The following SLC37A1 variants were observed in gnomAD, a reference collection of about 807,000 sequenced individuals.
The protein encoded by SLC37A1 is glucose-6-phosphate exchanger SLC37A1.
Under a neutral mutation model 75.3 loss-of-function variants are expected in SLC37A1, and 49 were observed. The ratio of observed to expected loss-of-function variants is 0.65; its 90% CI spans 0.52 to 0.83. The LOEUF is 0.83. Ranked by LOEUF, SLC37A1 falls within the 40% of genes least tolerant of loss-of-function variation. SLC37A1 has a pLI of 0.00. For missense variants in SLC37A1, 566 were observed against 695.0 expected (o/e 0.81, Z 2.09); for synonymous variants, 268 against 292.1 (o/e 0.92, Z 0.84).
In SLC37A1 at chr21:42,542,485, G is replaced by C. The variant is rs1003402803; in HGVS notation, c.563+5G>C. 1 of 1,613,858 alleles carries C rather than the reference G, an allele frequency of 6.2e-7. No individual in the cohort carries two copies. Among genetic ancestry groups the C allele is most frequent in the Non-Finnish European group, 8.5e-7 (1 of 1,179,882 alleles). ...CAACTGGTTTGGAAAAGGAAGGTGA[G>C]AAAAAGCAGCCCTGTTTCCAATAGC... On this transcript the variant is annotated splice_donor_5th_base_variant and intron_variant, in intron 7 of 19. Coordinates refer to ENST00000352133, the MANE Select transcript of SLC37A1 (RefSeq NM_001320537.2).
At chr21:42,555,995 T>TG (rs2055682196) in intron 10 of SLC37A1, among the ~76,000 whole-genome samples, 1 of 152,202 alleles carries the variant, frequency 6.6e-6, no homozygotes, top group Admixed American at 6.5e-5. Flanking sequence ...GAGTGACCGC[T>TG]GGGCTCAGTG....
intron 3 of SLC37A1, among the ~76,000 whole-genome samples, chr21:42,530,111 A>G (rs903504373): frequency 5.9e-5 from 9 of 152,232 alleles, no homozygotes; most frequent in African/African-American, 2.2e-4. Context: ...AAATTATCAC[A>G]AGTCCGTATT....
At chr21:42,551,065 G>A (rs899431990) in intron 9 of SLC37A1, among the ~76,000 whole-genome samples, 10 of 152,224 alleles carry the variant, frequency 6.6e-5, no homozygotes, top group African/African-American at 2.4e-4. Flanking sequence ...ATGCAGGCAG[G>A]CCAGTTAGGC....
intron 5 of SLC37A1, among the ~76,000 whole-genome samples, chr21:42,537,379 C>G (rs2146854238): frequency 6.6e-6 from 1 of 152,264 alleles, no homozygotes; most frequent in East Asian, 1.9e-4. Flanking sequence ...GTTTATATTC[C>G]CCACACTGCA....
chr21:42,541,928 A>G (rs1341622170), intron 6 of SLC37A1, among the ~76,000 whole-genome samples: 4 of 152,132 alleles, frequency 2.6e-5, no homozygotes, highest in African/African-American at 9.6e-5. Flanking sequence ...TTTTGTAGAC[A>G]AGGGGGTCTC....
chr21:42,518,320 GACA>G lies in SLC37A1; in HGVS notation c.-134_-132del. ...GAAGGAAGGGGACAAGACCCAGCAG[GACA>G]CCTTCTTTCCACGCTTTCCAGCCTG... On this transcript the variant is annotated 5_prime_UTR_variant, in exon 2 of 20. Transcript: ENST00000352133. The G allele has an allele frequency of 1.8e-6, 2 of 1,089,622 alleles. No individual in the cohort carries two copies. The highest frequency in any genetic ancestry group is 2.7e-5 in the South Asian group (2 of 74,248). 67.5% of individuals were successfully genotyped at this position (1,089,622 alleles called of 1,614,324 possible).
At chr21:42,530,652 A>ACACACG (rs1568997094) in intron 3 of SLC37A1, among the ~76,000 whole-genome samples, 1 of 25,066 alleles carries the variant, frequency 4.0e-5, no homozygotes, top group Non-Finnish European at 8.6e-5. Flanking sequence ...ACACACACAC[A>ACACACG]CACCCCCTCT....
At chr21:42,573,233 C>T (rs566172525) in intron 17 of SLC37A1, among the ~76,000 whole-genome samples, 5 of 152,282 alleles carry the variant, frequency 3.3e-5, no homozygotes, top group Admixed American at 2.6e-4. Context: ...ATCCGAGGTG[C>T]GGCAGAGGGA....
At chr21:42,553,070 G>A (rs1396181460) in intron 9 of SLC37A1, among the ~76,000 whole-genome samples, 2 of 152,176 alleles carry the variant, frequency 1.3e-5, no homozygotes, top group Non-Finnish European at 2.9e-5. Context: ...GAAATGTAAA[G>A]GGTGGGATCC....
chr21:42,573,932 T>C (rs1043208382), intron 17 of SLC37A1, among the ~76,000 whole-genome samples: 7 of 152,262 alleles, frequency 4.6e-5, no homozygotes, highest in Admixed American at 1.3e-4. Context: ...AAAACACATC[T>C]TGACATAATT....
chr21:42,561,068 G>A (rs555069893), intron 11 of SLC37A1, among the ~76,000 whole-genome samples: 2 of 152,310 alleles, frequency 1.3e-5, no homozygotes, highest in African/African-American at 4.8e-5. Flanking sequence ...TAAGCACAAT[G>A]CCAGGCCCAT....
rs1005655709 is a variant in SLC37A1, at chr21:42,547,106, C to T, written c.734C>T (p.Pro245Leu). 7.4e-6 allele frequency: 12 copies of T among 1,614,172 alleles called. No homozygotes were observed. The highest frequency in any genetic ancestry group is 1.3e-5 in the African/African-American group (1 of 75,040). The stretch of plus-strand genomic sequence containing the variant: ...TCACTCATGTTTGCTCTTTCAGATC[C>T]GAACGACGTCAGGTGCTCCTCCACC... ...IVCFLFLIEH[P>L]NDVRCSSTLV... The change falls in exon 9 of 20, where the codon CCG becomes CTG. Residue 245 changes from proline to leucine, a missense_variant. Coordinates refer to ENST00000352133, the MANE Select transcript of SLC37A1 (RefSeq NM_001320537.2). This position sits in a 1 kb window ranked among gnomAD's most constrained non-coding sequence, Gnocchi z 6.1.
At chr21:42,567,251 G>C (rs945469866) in intron 16 of SLC37A1, among the ~76,000 whole-genome samples, 193 bp downstream of exon 16, 2 of 152,244 alleles carry the variant, frequency 1.3e-5, no homozygotes, top group Non-Finnish European at 2.9e-5. Flanking sequence ...TCATGGGCAG[G>C]TTGGTGCAAA....
chr21:42,542,489 AAGC>A lies in SLC37A1; in HGVS notation c.563+13_563+15del. The A allele has an allele frequency of 6.2e-7, 1 of 1,613,902 alleles. No homozygotes were observed. The highest frequency in any genetic ancestry group is 1.3e-5 in the African/African-American group (1 of 75,064). On this transcript the variant is annotated intron_variant, in intron 7 of 19. Transcript: ENST00000352133. ...TGGTTTGGAAAAGGAAGGTGAGAAAAAGCAGCCCTGTTTCCAATAGCAGATGAA... is the reference window on the plus strand; with the variant it reads ...TGGTTTGGAAAAGGAAGGTGAGAAAAAGCCCTGTTTCCAATAGCAGATGAA...
chr21:42,579,721 T>A lies in SLC37A1; in HGVS notation c.1522-15T>A. On this transcript the variant is annotated splice_polypyrimidine_tract_variant and intron_variant, in intron 18 of 19. Transcript: ENST00000352133. The stretch of plus-strand genomic sequence containing the variant: ...TGCTCCAGTAACAGGTGGGCTCACC[T>A]TTGTTTTGGTGCAGTTCCTGATCCG... The A allele has an allele frequency of 1.9e-6, 3 of 1,614,084 alleles. No individual in the cohort carries two copies. Among genetic ancestry groups the A allele is most frequent in the Non-Finnish European group, 2.5e-6 (3 of 1,179,990 alleles).
rs1340791353 is a variant in SLC37A1 at position 42,513,984 on chromosome 21, CCTG to C, written c.-910_-908del. 1 of 147,284 alleles carries C rather than the reference CCTG, an allele frequency of 6.8e-6. No individual in the cohort carries two copies. Among genetic ancestry groups the C allele is most frequent in the Non-Finnish European group, 1.5e-5 (1 of 66,310 alleles). The allele number at this position is 147,284 out of a possible 1,614,324, so 9.1% of individuals were successfully genotyped here. ...GGGACCCCCCGCCCCCCCGCCCGCA[CCTG>C]CGGGGCAGCCGGCGCTCAGGCGCCG... On this transcript the variant is annotated 5_prime_UTR_variant, in exon 1 of 20. Coordinates refer to ENST00000352133, the MANE Select transcript of SLC37A1 (RefSeq NM_001320537.2).
intron 3 of SLC37A1, among the ~76,000 whole-genome samples, chr21:42,528,252 G>GGA (rs2054851358): frequency 6.6e-6 from 1 of 152,174 alleles, no homozygotes; most frequent in Admixed American, 6.5e-5. Flanking sequence ...GAGGATAGTG[G>GGA]TGTTATAAGT....
intron 17 of SLC37A1, among the ~76,000 whole-genome samples, chr21:42,572,186 T>A (rs1390822926): frequency 6.6e-6 from 1 of 152,144 alleles, no homozygotes; most frequent in African/African-American, 2.4e-5. Flanking sequence ...CACTGACACG[T>A]TCACAGACAT....
chr21:42,563,450 CTG>C (rs1191510671), intron 12 of SLC37A1, among the ~76,000 whole-genome samples: 1 of 144,430 alleles, frequency 6.9e-6, no homozygotes, highest in African/African-American at 2.7e-5. Context: ...CGGGAGGCCT[CTG>C]TGTCCTCATC....
Sources: gnomAD v4.1 joint callset for allele counts (sites outside exome capture counted in the v4.1 genomes callset) on GRCh38, gnomAD v4.1.1 for gene constraint, Gnocchi (gnomAD v3.1) non-coding constraint, MANE v1.5 for transcripts, NCBI Gene and HGNC (gene_info 2026-07-23, HGNC 2026-07-21) for gene names.